The following ARHGAP10 variants were observed in gnomAD, a reference collection of about 807,000 sequenced individuals.
The protein encoded by ARHGAP10 is Rho GTPase activating protein 10.
Under a neutral mutation model 108.6 loss-of-function variants are expected in ARHGAP10, and 87 were observed. The ratio of observed to expected loss-of-function variants is 0.80; its 90% CI spans 0.67 to 0.96. The LOEUF is 0.96. Ranked by LOEUF, ARHGAP10 falls within the 40% of genes least tolerant of loss-of-function variation. The pLI, the probability that ARHGAP10 is intolerant of heterozygous loss-of-function variation, is 0.00. For synonymous variants in ARHGAP10, 347 were observed against 341.1 expected (o/e 1.02, Z -0.19); for missense variants, 939 against 954.5 (o/e 0.98, Z 0.21).
intron 18 of ARHGAP10, among the ~76,000 whole-genome samples, chr4:147,993,171 G>A (rs1281162792): frequency 1.3e-5 from 2 of 152,176 alleles, no homozygotes; most frequent in Non-Finnish European, 2.9e-5. Flanking sequence ...GCAGTATTCT[G>A]TAAGTTTTTC....
chr4:147,808,080 A>G (rs1731860023), intron 1 of ARHGAP10, among the ~76,000 whole-genome samples: 1 of 152,232 alleles, frequency 6.6e-6, no homozygotes, highest in East Asian at 1.9e-4. Flanking sequence ...CTACCGATTT[A>G]GAATCAAAGC....
At chr4:147,985,193 G>T (rs778874664) in intron 18 of ARHGAP10, among the ~76,000 whole-genome samples, 6 of 152,016 alleles carry the variant, frequency 3.9e-5, no homozygotes, top group Non-Finnish European at 7.4e-5. Context: ...TCTGGCTGCA[G>T]ATCCAGGCAA....
intron 1 of ARHGAP10, among the ~76,000 whole-genome samples, chr4:147,800,164 A>G (rs1731518426): frequency 6.6e-6 from 1 of 152,152 alleles, no homozygotes; most frequent in Non-Finnish European, 1.5e-5. Flanking sequence ...AGGCTGGGCT[A>G]CTAGGTGTCT....
intron 14 of ARHGAP10, among the ~76,000 whole-genome samples, chr4:147,941,954 A>T (rs1445928332): frequency 6.6e-6 from 1 of 152,086 alleles, no homozygotes; most frequent in Non-Finnish European, 1.5e-5. Flanking sequence ...TGAGTGTTCA[A>T]ATGGAAATAA....
intron 8 of ARHGAP10, among the ~76,000 whole-genome samples, chr4:147,876,318 C>T (rs1452368340): frequency 1.3e-5 from 2 of 152,090 alleles, no homozygotes; most frequent in Admixed American, 6.6e-5. Context: ...TAGGGCTGGG[C>T]GCGGTGGCTC....
chr4:147,947,756 T>C (rs1052544531), intron 15 of ARHGAP10, among the ~76,000 whole-genome samples: 3 of 152,170 alleles, frequency 2.0e-5, no homozygotes, highest in African/African-American at 7.2e-5. Flanking sequence ...GTAAAAGTTA[T>C]TTGGGTTCCA....
At chr4:147,757,438 T>C (rs1012302462) in intron 1 of ARHGAP10, among the ~76,000 whole-genome samples, 1 of 152,102 alleles carries the variant, frequency 6.6e-6, no homozygotes, top group Non-Finnish European at 1.5e-5. Context: ...TCAGGCAATC[T>C]GCCCGCCTCG....
chr4:147,749,613 T>C (rs10024194), intron 1 of ARHGAP10, among the ~76,000 whole-genome samples: 1 of 152,212 alleles, frequency 6.6e-6, no homozygotes, highest in African/African-American at 2.4e-5. Flanking sequence ...AATTGAGAAA[T>C]CCTTTAAGCA....
intron 18 of ARHGAP10, among the ~76,000 whole-genome samples, chr4:148,016,013 A>G (rs1741331145): frequency 6.6e-6 from 1 of 152,216 alleles, no homozygotes; most frequent in African/African-American, 2.4e-5. Flanking sequence ...AATGGAACAC[A>G]TTGGTCAAGA....
chr4:147,955,595 T>C (rs1262820314), intron 16 of ARHGAP10, among the ~76,000 whole-genome samples: 1 of 152,134 alleles, frequency 6.6e-6, no homozygotes, highest in African/African-American at 2.4e-5. Flanking sequence ...CCTATTATGT[T>C]ACTGGATATG....
At chr4:147,784,978 A>G (rs1229823495) in intron 1 of ARHGAP10, among the ~76,000 whole-genome samples, 1 of 134,822 alleles carries the variant, frequency 7.4e-6, no homozygotes, top group Non-Finnish European at 1.5e-5. Context: ...AATATGTTAT[A>G]TTTTAAAATA....
chr4:147,788,682 T>C (rs1213607014), intron 1 of ARHGAP10, among the ~76,000 whole-genome samples: 1 of 152,176 alleles, frequency 6.6e-6, no homozygotes, highest in Non-Finnish European at 1.5e-5. Context: ...TTATAAACAG[T>C]CTGATTATCT....
chr4:147,942,782 G>A (rs1738208213), intron 14 of ARHGAP10, among the ~76,000 whole-genome samples: 1 of 152,224 alleles, frequency 6.6e-6, no homozygotes, highest in Admixed American at 6.5e-5. Context: ...TGATGAGAGG[G>A]TATTCTTAGT....
At chr4:147,906,782 T>C (rs10049932) in intron 11 of ARHGAP10, 63 bp downstream of exon 11, 147,985 of 1,583,160 alleles carry the variant, frequency 0.093, 9,943 homozygotes, top group East Asian at 0.37. Context: ...CATTCATTTT[T>C]ATGTTATTTT....
chr4:148,017,088 A>G (rs1439566669), intron 18 of ARHGAP10, among the ~76,000 whole-genome samples: 1 of 151,716 alleles, frequency 6.6e-6, no homozygotes, highest in Non-Finnish European at 1.5e-5. Flanking sequence ...TGGAGACTTC[A>G]TTGGATGGGC....
intron 19 of ARHGAP10, among the ~76,000 whole-genome samples, chr4:148,035,705 A>C (rs904344744): frequency 3.3e-5 from 5 of 152,206 alleles, no homozygotes; most frequent in Non-Finnish European, 7.3e-5. Flanking sequence ...ACCATGCGGC[A>C]GTTATAACCT....
At chr4:147,937,055 A>G (rs1442693309) in intron 13 of ARHGAP10, among the ~76,000 whole-genome samples, 1 of 152,204 alleles carries the variant, frequency 6.6e-6, no homozygotes, top group Non-Finnish European at 1.5e-5. Context: ...CTCTTGAATC[A>G]TTCTGAAACC....
chr4:147,867,559 CT>C (rs1467640521), intron 7 of ARHGAP10, among the ~76,000 whole-genome samples: 1 of 152,150 alleles, frequency 6.6e-6, no homozygotes, highest in Non-Finnish European at 1.5e-5. Flanking sequence ...CTCTTCATTT[CT>C]TTCACAATTA....
Position 147,763,907 on chromosome 4 carries a change from G to A in ARHGAP10, c.154+31452G>A, listed in dbSNP as rs143125525. Among the ~76,000 whole-genome samples the A allele has an allele frequency of 2.1e-3, 312 of 152,006 alleles. 4 individuals are homozygous for A. The highest frequency in any genetic ancestry group is 6.8e-3 in the African/African-American group (284 of 41,480). ...GTAGCTGGGATTACAGGCGTACGCC[G>A]CCATGCCTGGCTAATTTCTGTATTT... On this transcript the variant is annotated intron_variant, in intron 1 of 22. Transcript: ENST00000336498.
Sources: allele counts gnomAD v4.1 joint callset (sites outside exome capture counted in the v4.1 genomes callset), GRCh38; gene constraint gnomAD v4.1.1; transcripts MANE v1.5; gene names NCBI Gene and HGNC (gene_info 2026-07-23, HGNC 2026-07-21).